Variants in CERS3 observed in about 807,000 individuals in gnomAD.
CERS3 encodes LAG1 homolog, ceramide synthase 3.
CERS3 carries 33 observed loss-of-function variants against 50.3 expected under a neutral mutation model. That is an observed-to-expected ratio of 0.66 (90% confidence interval 0.50 to 0.88). The LOEUF is 0.88. Among genes scored for constraint, CERS3 ranks in the 40% least tolerant of loss-of-function variants. CERS3 has a pLI of 0.00. For missense variants in CERS3, 470 were observed against 460.3 expected (o/e 1.02, Z -0.19); for synonymous variants, 176 against 155.2 (o/e 1.13, Z -0.99).
intron 10 of CERS3, among the ~76,000 whole-genome samples, chr15:100,463,256 G>A (rs1017932154): frequency 1.3e-5 from 2 of 151,852 alleles, no homozygotes; most frequent in Non-Finnish European, 2.9e-5. Flanking sequence ...CCAACATGGT[G>A]AAACCCCGTT....
chr15:100,448,037 G>A lies in CERS3; in HGVS notation c.999+7856C>T, dbSNP rs150770456. Among the ~76,000 whole-genome samples, 1,366 of 152,252 alleles carry A rather than the reference G, an allele frequency of 9.0e-3. 24 individuals are homozygous for A. The highest frequency in any genetic ancestry group is 0.049 in the Admixed American group (754 of 15,296). ...TAAAATGATGGACAGTATTTCAGAGGCTAGTGGGGAACAAGCTCGGGGGAG... is the reference window on the plus strand; with the variant it reads ...TAAAATGATGGACAGTATTTCAGAGACTAGTGGGGAACAAGCTCGGGGGAG... On this transcript the variant is annotated intron_variant, in intron 11 of 11. Transcript: ENST00000679737.
intron 5 of CERS3, 62 bp from the exon 6 acceptor site, chr15:100,480,108 T>C: frequency 8.3e-7 from 1 of 1,208,916 alleles, no homozygotes; most frequent in Non-Finnish European, 1.2e-6. Context: ...GAGGAGAAAA[T>C]GATTAGGTAT....
At chr15:100,537,735 A>G (rs2037107548) in intron 1 of CERS3, among the ~76,000 whole-genome samples, 1 of 152,168 alleles carries the variant, frequency 6.6e-6, no homozygotes, top group Non-Finnish European at 1.5e-5. Flanking sequence ...GGGTGGGACA[A>G]CCAAACCATA....
chr15:100,491,057 CTACGTACAGCCAAAATCTG>C (rs1397533909), intron 3 of CERS3, 126 bp from the exon 4 acceptor site: 2 of 597,696 alleles, frequency 3.3e-6, no homozygotes, highest in Non-Finnish European at 5.8e-6. Flanking sequence ...GACACTGGGG[CTACGTACAGCCAAAATCTG>C]TCTCTCAAAA....
chr15:100,476,333 A>C (rs1257231562), intron 7 of CERS3, among the ~76,000 whole-genome samples, 155 bp from the exon 8 acceptor site: 1 of 152,254 alleles, frequency 6.6e-6, no homozygotes, highest in Non-Finnish European at 1.5e-5. Flanking sequence ...CGAAGGAATT[A>C]AAGATAATAT....
intron 10 of CERS3, among the ~76,000 whole-genome samples, chr15:100,456,406 C>A (rs1285225846): frequency 6.6e-6 from 1 of 152,120 alleles, no homozygotes; most frequent in Admixed American, 6.6e-5. Context: ...TAAGATAATG[C>A]ATGTTTACAT....
At chr15:100,470,390 G>T (rs1362540673) in intron 9 of CERS3, among the ~76,000 whole-genome samples, 1 of 152,220 alleles carries the variant, frequency 6.6e-6, no homozygotes, top group Non-Finnish European at 1.5e-5. Context: ...TACTACCAAG[G>T]GGTGAGAATA....
intron 1 of CERS3, among the ~76,000 whole-genome samples, chr15:100,543,748 T>C (rs951849832): frequency 1.2e-4 from 19 of 152,164 alleles, no homozygotes; most frequent in African/African-American, 4.6e-4. Flanking sequence ...CAGGCTAGTT[T>C]CAAACTCTTG....
intron 11 of CERS3, among the ~76,000 whole-genome samples, chr15:100,424,195 C>G (rs1439343358): frequency 3.3e-5 from 5 of 152,168 alleles, no homozygotes; most frequent in African/African-American, 1.2e-4. Flanking sequence ...TCTGCCTTGG[C>G]CTCCCAAAGT....
chr15:100,458,197 C>G (rs1000431361), intron 10 of CERS3, among the ~76,000 whole-genome samples: 12 of 152,270 alleles, frequency 7.9e-5, no homozygotes, highest in African/African-American at 2.9e-4. Context: ...AAAATACTTT[C>G]AGTTTACATT....
At chr15:100,526,474 TA>T (rs1425652706) in intron 1 of CERS3, among the ~76,000 whole-genome samples, 3 of 9,888 alleles carry the variant, frequency 3.0e-4, no homozygotes, top group Non-Finnish European at 9.5e-4. Context: ...AAAACCTACA[TA>T]AACTGTGTGT....
At chr15:100,442,625 T>C (rs763598297) in intron 11 of CERS3, among the ~76,000 whole-genome samples, 6 of 152,288 alleles carry the variant, frequency 3.9e-5, no homozygotes, top group Middle Eastern at 3.4e-3. Context: ...TCCTAAGCCG[T>C]GTCCTGTCTA....
rs572126547 is a variant in CERS3 at position 100,536,723 on chromosome 15, G to C, written c.-354-7648C>G. Among the ~76,000 whole-genome samples the C allele has an allele frequency of 5.9e-5, 9 of 152,314 alleles. No homozygotes were observed. In the South Asian group the frequency reaches 1.9e-3, roughly 32 times the overall value. On this transcript the variant is annotated intron_variant, in intron 1 of 12. Coordinates refer to the CERS3 transcript ENST00000284382. ...TTAGTCTGGAAGATAGAACTTAGTA[G>C]CTTCAATATCCACAATTCCTTTACT...
chr15:100,519,739 T>C (rs1351882872), intron 2 of CERS3, among the ~76,000 whole-genome samples: 1 of 152,214 alleles, frequency 6.6e-6, no homozygotes, highest in Non-Finnish European at 1.5e-5. Flanking sequence ...GCCATGCTGC[T>C]AGGTCGATGT....
chr15:100,539,976 G>A (rs2037161011), intron 1 of CERS3, among the ~76,000 whole-genome samples: 1 of 152,122 alleles, frequency 6.6e-6, no homozygotes, highest in Admixed American at 6.5e-5. Flanking sequence ...TCAAAACACA[G>A]CCCCCATCAA....
At chr15:100,496,060 GA>G (rs2035804148) in intron 3 of CERS3, among the ~76,000 whole-genome samples, 1 of 152,184 alleles carries the variant, frequency 6.6e-6, no homozygotes, top group African/African-American at 2.4e-5. Context: ...TCACAGAGCT[GA>G]ATGTTTCTGA....
chr15:100,454,491 G>A (rs914020123), intron 11 of CERS3, among the ~76,000 whole-genome samples: 9 of 151,842 alleles, frequency 5.9e-5, no homozygotes, highest in African/African-American at 2.2e-4. Flanking sequence ...GGGGAAAATT[G>A]GATATCCACA....
intron 11 of CERS3, among the ~76,000 whole-genome samples, chr15:100,442,523 G>T (rs1430130179): frequency 6.6e-6 from 1 of 152,192 alleles, no homozygotes; most frequent in African/African-American, 2.4e-5. Flanking sequence ...GCAGCGGCCA[G>T]GCATTCCTCC....
intron 11 of CERS3, among the ~76,000 whole-genome samples, chr15:100,427,069 C>A (rs776559471): frequency 6.6e-6 from 1 of 152,156 alleles, no homozygotes; most frequent in East Asian, 1.9e-4. Flanking sequence ...AAGCCCACAC[C>A]CGTGACCTCA....
Sources: gnomAD v4.1 joint callset for allele counts (sites outside exome capture counted in the v4.1 genomes callset) on GRCh38, gnomAD v4.1.1 for gene constraint, MANE v1.5 for transcripts, NCBI Gene and HGNC (gene_info 2026-07-23, HGNC 2026-07-21) for gene names.